C1GALT1: variants seen among roughly 807,000 people sequenced by gnomAD.
C1GALT1 encodes glycoprotein-N-acetylgalactosamine 3-beta-galactosyltransferase 1.
C1GALT1 carries 11 observed loss-of-function variants against 31.0 expected under a neutral mutation model. The observed-to-expected ratio is 0.36, with a 90% CI of 0.22 to 0.59. C1GALT1 has a LOEUF of 0.59. Ranked by LOEUF, C1GALT1 falls within the 20% of genes least tolerant of loss-of-function variation. The pLI is 0.79. For synonymous variants in C1GALT1, 175 were observed against 143.6 expected, an observed-to-expected ratio of 1.22 and a Z score of -1.56; for missense variants, 424 against 425.2, an observed-to-expected ratio of 1.00 and a Z score of 0.03.
intron 1 of C1GALT1, among the ~76,000 whole-genome samples, chr7:7,193,465 T>A (rs1781159463): frequency 6.6e-6 from 1 of 152,146 alleles, no homozygotes; most frequent in Non-Finnish European, 1.5e-5. Flanking sequence ...AGTTGGCTGT[T>A]AAGTATTTGG....
intron 2 of C1GALT1, among the ~76,000 whole-genome samples, chr7:7,168,858 T>A (rs1432847241): frequency 6.6e-6 from 1 of 152,226 alleles, no homozygotes; most frequent in Non-Finnish European, 1.5e-5. Context: ...TTTCTTTTTT[T>A]ATTATGATAA....
intron 3 of C1GALT1, among the ~76,000 whole-genome samples, chr7:7,242,156 T>C (rs1225008308): frequency 2.0e-5 from 3 of 151,732 alleles, no homozygotes; most frequent in Non-Finnish European, 2.9e-5. Context: ...CGCAAAACTA[T>C]TGCATGTTAA....
intron 1 of C1GALT1, among the ~76,000 whole-genome samples, chr7:7,227,848 T>C (rs1008243197): frequency 6.6e-6 from 1 of 152,114 alleles, no homozygotes; most frequent in Non-Finnish European, 1.5e-5. Context: ...GCAAGAAGGC[T>C]CTTACCAGAT....
chr7:7,243,640 T>C lies in C1GALT1; in HGVS notation c.1005T>C (p.Tyr335=). Residue 335 remains tyrosine, a synonymous_variant, in exon 4 of 4, where the codon TAT becomes TAC. Transcript: ENST00000436587. ...GTCCATATGGTTATTTATACAGATA[T>C]CAACCTACCTTACCTGAACGTATAC... The part of the protein sequence containing the change: ...HLRPYGYLYR[Y]QPTLPERILK... The C allele has an allele frequency of 1.2e-6, 2 of 1,612,294 alleles. No homozygotes were observed. Among genetic ancestry groups the C allele is most frequent in the South Asian group, 1.1e-5 (1 of 90,844 alleles).
chr7:7,212,293 C>G (rs1471956608), intron 1 of C1GALT1, among the ~76,000 whole-genome samples: 1 of 152,088 alleles, frequency 6.6e-6, no homozygotes, highest in Non-Finnish European at 1.5e-5. Flanking sequence ...AGGTATGATG[C>G]CAGTTCTCCC....
intron 1 of C1GALT1, among the ~76,000 whole-genome samples, chr7:7,218,511 C>T (rs779538887): frequency 4.6e-5 from 7 of 151,948 alleles, no homozygotes; most frequent in African/African-American, 9.7e-5. Context: ...AATGGAGCAA[C>T]GTAGAGATAT....
chr7:7,166,056 G>T (rs868044708), intron 2 of C1GALT1, among the ~76,000 whole-genome samples: 3 of 152,082 alleles, frequency 2.0e-5, no homozygotes, highest in South Asian at 4.1e-4. Context: ...TTGAGATAAG[G>T]GACACCTGTA....
chr7:7,209,813 C>G (rs958324152), intron 1 of C1GALT1, among the ~76,000 whole-genome samples: 4 of 152,108 alleles, frequency 2.6e-5, no homozygotes, highest in Admixed American at 2.6e-4. Context: ...TGCAGGCGGG[C>G]TGAGTGCGAA....
chr7:7,237,638 G>A (rs1783427794), intron 2 of C1GALT1, among the ~76,000 whole-genome samples: 1 of 152,184 alleles, frequency 6.6e-6, no homozygotes, highest in African/African-American at 2.4e-5. Context: ...TGAGGTATGT[G>A]ACTATCAGAA....
At chr7:7,161,839 G>T (rs1780336541) in intron 2 of C1GALT1, among the ~76,000 whole-genome samples, 1 of 152,050 alleles carries the variant, frequency 6.6e-6, no homozygotes, top group Non-Finnish European at 1.5e-5. Context: ...CTTAAAATAT[G>T]TGTGCAAGTG....
upstream of C1GALT1, among the ~76,000 whole-genome samples, chr7:7,181,260 G>C (rs897609200): frequency 6.6e-6 from 1 of 152,096 alleles, no homozygotes; most frequent in Non-Finnish European, 1.5e-5. Flanking sequence ...AGGATATTGC[G>C]GAAAGGTGGA....
At chr7:7,232,734 C>T (rs1368179549) in intron 1 of C1GALT1, among the ~76,000 whole-genome samples, 1 of 152,152 alleles carries the variant, frequency 6.6e-6, no homozygotes, top group Non-Finnish European at 1.5e-5. Flanking sequence ...AGGTGATCCA[C>T]CCGCCTTGGC....
chr7:7,207,335 C>CTTTTTTTTTTTTTTTTTTTTTTTTTTT lies in C1GALT1; in HGVS notation c.-18+24519_-18+24545dup, dbSNP rs57510429. Among the ~76,000 whole-genome samples, 30 of 48,004 alleles carry CTTTTTTTTTTTTTTTTTTTTTTTTTTT rather than the reference C, an allele frequency of 6.2e-4. 10 individuals carry two copies. The highest frequency in any genetic ancestry group is 8.1e-4 in the Non-Finnish European group (21 of 26,070). The allele number at this position is 48,004 out of a possible 152,430, so 31.5% of individuals were successfully genotyped here. On this transcript the variant is annotated intron_variant, in intron 1 of 3. Coordinates refer to ENST00000436587, the MANE Select transcript of C1GALT1 (RefSeq NM_020156.5). ...TCTCTGTGTTTCTCTTACTCTGTTG[C>CTTTTTTTTTTTTTTTTTTTTTTTTTTT]TTTTTTTTTTTTTTTTTTTTTTTTT...
At chr7:7,229,388 T>C (rs935252595) in intron 1 of C1GALT1, among the ~76,000 whole-genome samples, 1 of 152,176 alleles carries the variant, frequency 6.6e-6, no homozygotes, top group Non-Finnish European at 1.5e-5. Flanking sequence ...GCTTCAATCG[T>C]ATTCTGCTTG....
chr7:7,186,893 G>C lies in C1GALT1; in HGVS notation c.-18+4073G>C, dbSNP rs1016309339. Among the ~76,000 whole-genome samples the C allele has an allele frequency of 2.6e-5, 4 of 152,190 alleles. No homozygotes were observed. In the East Asian group the frequency reaches 7.7e-4, roughly 29 times the overall value. ...GGGGTGGAGTAGGATGCAGATTGTG[G>C]GTAGATCCTTGTAAGGTTTTGGCTC... On this transcript the variant is annotated intron_variant, in intron 1 of 3. Transcript: ENST00000436587.
At chr7:7,159,513 T>C (rs1780311268) in intron 2 of C1GALT1, among the ~76,000 whole-genome samples, 2 of 152,048 alleles carry the variant, frequency 1.3e-5, no homozygotes, top group Non-Finnish European at 2.9e-5. Flanking sequence ...AAGTGGTGTG[T>C]TGGACTGCGC....
At chr7:7,192,740 A>G (rs565766982) in intron 1 of C1GALT1, among the ~76,000 whole-genome samples, 3 of 152,214 alleles carry the variant, frequency 2.0e-5, no homozygotes, top group African/African-American at 7.2e-5. Flanking sequence ...ACCATTTTCC[A>G]TAGTGGTTAT....
chr7:7,229,736 G>A (rs986092362), intron 1 of C1GALT1, among the ~76,000 whole-genome samples: 7 of 152,090 alleles, frequency 4.6e-5, no homozygotes, highest in African/African-American at 1.2e-4. Flanking sequence ...TTACACTAAC[G>A]GCCAACCTGA....
At chr7:7,211,455 T>G (rs1782000085) in intron 1 of C1GALT1, among the ~76,000 whole-genome samples, 1 of 152,236 alleles carries the variant, frequency 6.6e-6, no homozygotes, top group South Asian at 2.1e-4. Flanking sequence ...ACTTTCATGC[T>G]TCCTTGTCAG....
Sources: gnomAD v4.1 joint callset for allele counts (sites outside exome capture counted in the v4.1 genomes callset) on GRCh38, gnomAD v4.1.1 for gene constraint, MANE v1.5 for transcripts, NCBI Gene and HGNC (gene_info 2026-07-23, HGNC 2026-07-21) for gene names.